NEGR1: variants seen among roughly 807,000 people sequenced by gnomAD.
NEGR1 encodes the protein IgLON family member 4.
NEGR1 carries 10 observed loss-of-function variants against 40.9 expected under a neutral mutation model. That is an observed-to-expected ratio of 0.24 (90% CI 0.15 to 0.42). The LOEUF is 0.42. NEGR1 is among the 10% of genes least tolerant of loss of function. The pLI, the probability that NEGR1 is intolerant of heterozygous loss-of-function variation, is 1.00. For missense variants in NEGR1, 352 were observed against 438.9 expected, an observed-to-expected ratio of 0.80 and a Z score of 1.77; for synonymous variants, 185 against 166.8, an observed-to-expected ratio of 1.11 and a Z score of -0.84.
chr1:72,242,365 A>G (rs1465150686), intron 1 of NEGR1, among the ~76,000 whole-genome samples: 1 of 151,526 alleles, frequency 6.6e-6, no homozygotes, highest in Admixed American at 6.6e-5. Flanking sequence ...GTCTGTGTAT[A>G]TTTCATTTTA....
At chr1:71,587,970 T>C (rs1260655855) in intron 6 of NEGR1, among the ~76,000 whole-genome samples, 1 of 152,194 alleles carries the variant, frequency 6.6e-6, no homozygotes, top group African/African-American at 2.4e-5. Context: ...CCATCTTAAT[T>C]AATTCTATTT....
rs1655573457 is a variant in NEGR1 at position 72,264,524 on chromosome 1, A to C, written c.176+17795T>G. Among the ~76,000 whole-genome samples, 2 of 130,188 alleles carry C rather than the reference A, an allele frequency of 1.5e-5. 1 individual carries two copies. The highest frequency in any genetic ancestry group is 5.9e-5 in the African/African-American group (2 of 34,012). 85.4% of individuals were successfully genotyped at this position (130,188 alleles called of 152,430 possible). A position where few individuals can be genotyped will look rare whatever the true frequency, so the allele number is the denominator to read the frequency against. On this transcript the variant is annotated intron_variant, in intron 1 of 6. Coordinates refer to ENST00000357731, the MANE Select transcript of NEGR1 (RefSeq NM_173808.3). ...TCTATATTTAAGTTTTAAATATAGAAATTAGTCACTATAAATGATTATATT... is the reference window on the plus strand; with the variant it reads ...TCTATATTTAAGTTTTAAATATAGACATTAGTCACTATAAATGATTATATT...
At chr1:72,264,356 C>T (rs979892758) in intron 1 of NEGR1, among the ~76,000 whole-genome samples, 6 of 150,646 alleles carry the variant, frequency 4.0e-5, no homozygotes, top group Non-Finnish European at 3.0e-5. Flanking sequence ...ATAAACAATA[C>T]AACATTTTAA....
At chr1:72,198,023 T>C (rs1653062440) in intron 1 of NEGR1, among the ~76,000 whole-genome samples, 1 of 152,062 alleles carries the variant, frequency 6.6e-6, no homozygotes, top group South Asian at 2.1e-4. Flanking sequence ...GAGAATATAA[T>C]GTTCCATTGC....
intron 1 of NEGR1, among the ~76,000 whole-genome samples, chr1:72,104,944 G>A (rs1480527820): frequency 6.6e-6 from 1 of 152,030 alleles, no homozygotes; most frequent in Non-Finnish European, 1.5e-5. Context: ...CACTTTTTTT[G>A]TGCTAAGATA....
At chr1:71,772,932 T>A (rs1445750626) in intron 3 of NEGR1, among the ~76,000 whole-genome samples, 2 of 152,186 alleles carry the variant, frequency 1.3e-5, no homozygotes, top group African/African-American at 2.4e-5. Flanking sequence ...TTGAATTTAA[T>A]TCTCAAATAT....
chr1:72,263,402 AC>A (rs1334250464), intron 1 of NEGR1, among the ~76,000 whole-genome samples: 5 of 151,568 alleles, frequency 3.3e-5, no homozygotes, highest in Non-Finnish European at 7.4e-5. Context: ...ATTTTTATTA[AC>A]ATCATGTAGA....
intron 6 of NEGR1, among the ~76,000 whole-genome samples, chr1:71,481,422 T>C (rs142060102): frequency 6.8e-4 from 103 of 152,080 alleles, no homozygotes; most frequent in African/African-American, 2.3e-3. Flanking sequence ...CACCCTTCTG[T>C]TGGCTTTGTC....
intron 2 of NEGR1, among the ~76,000 whole-genome samples, chr1:71,843,421 A>T (rs1345214113): frequency 6.6e-6 from 1 of 152,178 alleles, no homozygotes; most frequent in African/African-American, 2.4e-5. Context: ...AGTCGAGGCT[A>T]TTGACTCCTG....
chr1:72,194,619 C>T (rs2100435210), intron 1 of NEGR1, among the ~76,000 whole-genome samples: 1 of 152,116 alleles, frequency 6.6e-6, no homozygotes, highest in East Asian at 1.9e-4. Flanking sequence ...CTGTTTTCCA[C>T]AGCACACTGG....
chr1:71,720,520 T>G (rs1470850974), intron 3 of NEGR1, among the ~76,000 whole-genome samples: 1 of 152,174 alleles, frequency 6.6e-6, no homozygotes, highest in Non-Finnish European at 1.5e-5. Context: ...TAGAAACTCT[T>G]CCTTAAAATG....
At chr1:71,803,510 T>C (rs1308954690) in intron 2 of NEGR1, among the ~76,000 whole-genome samples, 1 of 152,156 alleles carries the variant, frequency 6.6e-6, no homozygotes, top group Non-Finnish European at 1.5e-5. Context: ...ATATAATCTA[T>C]TACTATTTTT....
chr1:72,085,662 T>G (rs1648190680), intron 1 of NEGR1, among the ~76,000 whole-genome samples: 1 of 152,032 alleles, frequency 6.6e-6, no homozygotes, highest in South Asian at 2.1e-4. Flanking sequence ...CTCTTAAAAT[T>G]TATGTTTCTT....
chr1:72,025,787 A>G (rs1646801795), intron 1 of NEGR1, among the ~76,000 whole-genome samples: 1 of 152,186 alleles, frequency 6.6e-6, no homozygotes, highest in South Asian at 2.1e-4. Flanking sequence ...ACTACGTTGC[A>G]GTTCTGGAGA....
Position 71,681,825 on chromosome 1 carries a change from G to A in NEGR1, c.667+16183C>T, listed in dbSNP as rs143191069. On this transcript the variant is annotated intron_variant, in intron 4 of 6. Transcript: ENST00000357731. ...TTCTGTCTCTTGGTTTCTCTGGCTA[G>A]CATTCCATTTAATTTTTTTTAGGCA... Among the ~76,000 whole-genome samples the A allele has an allele frequency of 9.9e-3, 1,499 of 152,108 alleles. 30 individuals carry two copies. The highest frequency in any genetic ancestry group is 0.034 in the African/African-American group (1,395 of 41,502).
At chr1:71,950,116 G>T (rs1557450793) in intron 1 of NEGR1, among the ~76,000 whole-genome samples, 1 of 151,836 alleles carries the variant, frequency 6.6e-6, no homozygotes, top group African/African-American at 2.4e-5. Flanking sequence ...TCAAAGATGG[G>T]TTTTTTACAT....
At chr1:71,963,875 C>T (rs943154402) in intron 1 of NEGR1, among the ~76,000 whole-genome samples, 2 of 151,998 alleles carry the variant, frequency 1.3e-5, no homozygotes, top group South Asian at 2.1e-4. Flanking sequence ...GCAAGAAATA[C>T]GAGTCCAAAT....
rs536979846 is a variant in NEGR1 at position 72,103,246 on chromosome 1, C to T, written c.177-167935G>A. 2.6e-4 allele frequency among the ~76,000 whole-genome samples: 40 copies of T among 151,994 alleles called. 2 individuals carry two copies. Among genetic ancestry groups the T allele is most frequent in the Non-Finnish European group, 1.0e-4 (7 of 67,976 alleles). ...CTTGTTCCTTATATGGTACTATGCT[C>T]CACTGAGGCTATTTGAGTAAAGACT... is the stretch of plus-strand genomic sequence containing the variant. On this transcript the variant is annotated intron_variant, in intron 1 of 6. Coordinates refer to ENST00000357731, the MANE Select transcript of NEGR1 (RefSeq NM_173808.3).
At chr1:71,810,721 T>C (rs1657970773) in intron 2 of NEGR1, among the ~76,000 whole-genome samples, 1 of 151,910 alleles carries the variant, frequency 6.6e-6, no homozygotes, top group Admixed American at 6.6e-5. Context: ...ATCTGGTTGT[T>C]TAAAAGTGTG....
Sources: allele counts gnomAD v4.1 joint callset (sites outside exome capture counted in the v4.1 genomes callset), GRCh38; gene constraint gnomAD v4.1.1; transcripts MANE v1.5; gene names NCBI Gene and HGNC (gene_info 2026-07-23, HGNC 2026-07-21).